CSNK1D: variants seen among roughly 807,000 people sequenced by gnomAD.
CSNK1D encodes casein kinase 1 delta.
A neutral mutation model predicts 46.6 loss-of-function variants in CSNK1D; 16 were observed. The observed-to-expected ratio is 0.34, with a 90% CI of 0.23 to 0.52. CSNK1D has a LOEUF of 0.52. Among genes scored for constraint, CSNK1D ranks in the 20% least tolerant of loss-of-function variants. The pLI is 0.95. For missense variants in CSNK1D, 398 were observed against 578.4 expected (o/e 0.69, Z 3.20); for synonymous variants, 276 against 228.2 (o/e 1.21, Z -1.89).
At chr17:82,268,970 G>A (rs1340884606) in intron 1 of CSNK1D, among the ~76,000 whole-genome samples, 1 of 151,834 alleles carries the variant, frequency 6.6e-6, no homozygotes, top group Non-Finnish European at 1.5e-5. Context: ...GCTGGTGTGC[G>A]CCTCTAACCC....
In CSNK1D at chr17:82,250,327, A is replaced by G; in HGVS notation, c.886-725T>C. ...CACCAGGCAACACACAGACCGACACACCTGCGGCTGCAGCACCGTGCGGCC... is the reference window on the plus strand; with the variant it reads ...CACCAGGCAACACACAGACCGACACGCCTGCGGCTGCAGCACCGTGCGGCC... On this transcript the variant is annotated intron_variant, in intron 6 of 8. Transcript: ENST00000314028. The surrounding 1 kb of genome is among the most constrained non-coding windows in gnomAD (Gnocchi z 4.6). 1.5e-6 allele frequency: 1 copy of G among 645,182 alleles called. No individual in the cohort carries two copies. Among genetic ancestry groups the G allele is most frequent in the South Asian group, 1.6e-5 (1 of 62,352 alleles). The allele number at this position is 645,182 out of a possible 1,614,324, so 40.0% of individuals were successfully genotyped here. A position where few individuals can be genotyped will look rare whatever the true frequency, so the allele number is the denominator to read the frequency against.
intron 2 of CSNK1D, among the ~76,000 whole-genome samples, chr17:82,262,984 A>G (rs2051378530): frequency 6.6e-6 from 1 of 152,224 alleles, no homozygotes; most frequent in Non-Finnish European, 1.5e-5. Flanking sequence ...GTTCAAAACC[A>G]GCCTGGCCAA....
In CSNK1D at chr17:82,255,521, T is replaced by C; in HGVS notation, c.244A>G (p.Met82Val). Residue 82 changes from methionine (M) to valine (V), a missense_variant, in exon 3 of 9, where the codon ATG becomes GTG. Physicochemically the swap from Met to Val is conservative, Grantham distance 21 (BLOSUM62 1). Transcript: ENST00000314028. The surrounding 1 kb of genome is among the most constrained non-coding windows in gnomAD (Gnocchi z 5.9). ...GAEGDYNVMVMELLGPSLEDL... is the reference protein window; with the variant it reads ...GAEGDYNVMVVELLGPSLEDL... ...TCCAGGCTTGGCCCCAGCAGCTCCATCACCATGACGTTGTAGTCCCCCTCT... is the reference window on the plus strand; with the variant it reads ...TCCAGGCTTGGCCCCAGCAGCTCCACCACCATGACGTTGTAGTCCCCCTCT... 1 of 1,614,136 alleles carries C rather than the reference T, an allele frequency of 6.2e-7. No individual in the cohort carries two copies. Among genetic ancestry groups the C allele is most frequent in the Non-Finnish European group, 8.5e-7 (1 of 1,180,026 alleles).
intron 2 of CSNK1D, among the ~76,000 whole-genome samples, chr17:82,264,132 A>AC (rs2051408435): frequency 1.3e-5 from 2 of 152,234 alleles, no homozygotes; most frequent in South Asian, 4.1e-4. Flanking sequence ...AATCAAATCA[A>AC]CAGTCCTCCC....
intron 2 of CSNK1D, among the ~76,000 whole-genome samples, chr17:82,257,499 C>T (rs372480810): frequency 1.6e-4 from 24 of 152,250 alleles, no homozygotes; most frequent in Non-Finnish European, 2.4e-4. Context: ...GGGCCTGATT[C>T]GCCCTCACAC....
chr17:82,273,722 C>G, upstream of CSNK1D: 1 of 482,210 alleles, frequency 2.1e-6, no homozygotes, highest in East Asian at 3.5e-5. The surrounding 1 kb of genome is among the most constrained non-coding windows in gnomAD (Gnocchi z 5.1). Context: ...CCCTAGCAAC[C>G]CGGCGGGGCG....
At chr17:82,253,278 C>T in intron 3 of CSNK1D, 34 bp from the exon 4 acceptor site, 1 of 1,558,278 alleles carries the variant, frequency 6.4e-7, no homozygotes, top group Non-Finnish European at 8.9e-7. Context: ...GATGGCACCC[C>T]AGGGCAGTCT....
rs201293847 is a variant in CSNK1D, at chr17:82,248,840, G to A, written c.1197+35C>T. 6.7e-4 allele frequency: 1,072 copies of A among 1,598,336 alleles called. No individual in the cohort carries two copies. The highest frequency in any genetic ancestry group is 8.2e-4 in the Non-Finnish European group (964 of 1,172,138). On this transcript the variant is annotated intron_variant, in intron 8 of 8. Coordinates refer to ENST00000314028, the MANE Select transcript of CSNK1D (RefSeq NM_001893.6). This position sits in a 1 kb window ranked among gnomAD's most constrained non-coding sequence, Gnocchi z 4.1. ...GCTCTTGACTCGGACGGGGTAGCCC[G>A]AGGCCCAGCGCCCGCCCGGGAGCTC...
chr17:82,268,308 T>C (rs1350386611), intron 1 of CSNK1D, among the ~76,000 whole-genome samples: 1 of 152,200 alleles, frequency 6.6e-6, no homozygotes, highest in Non-Finnish European at 1.5e-5. Context: ...TGCAGCCCTG[T>C]CCCACCTCGC....
intron 1 of CSNK1D, chr17:82,271,991 AG>A (rs1198132475): frequency 1.3e-5 from 2 of 152,246 alleles, no homozygotes; most frequent in Non-Finnish European, 2.9e-5. Flanking sequence ...CCTCAAATTC[AG>A]GGGATCTTGG....
rs763642635 is a variant in CSNK1D at position 82,250,423 on chromosome 17, ACT to A, written c.886-823_886-822del. Reference sequence around the variant, plus strand: ...CCTAGCCTGCTCTGAGGGCCGGGTGACTCTAATGCCGCAGGAGGGTCGCTCTG... The same window carrying A: ...CCTAGCCTGCTCTGAGGGCCGGGTGACTAATGCCGCAGGAGGGTCGCTCTG... On this transcript the variant is annotated intron_variant, in intron 6 of 8. Coordinates refer to ENST00000314028, the MANE Select transcript of CSNK1D (RefSeq NM_001893.6). This position sits in a 1 kb window ranked among gnomAD's most constrained non-coding sequence, Gnocchi z 4.6. The A allele has an allele frequency of 8.6e-6, 3 of 347,478 alleles. No individual in the cohort carries two copies. Among genetic ancestry groups the A allele is most frequent in the African/African-American group, 2.2e-5 (1 of 46,420 alleles). 21.5% of individuals were successfully genotyped at this position (347,478 alleles called of 1,614,324 possible). A position where few individuals can be genotyped will look rare whatever the true frequency, so the allele number is the denominator to read the frequency against.
intron 8 of CSNK1D, chr17:82,245,289 G>A (rs537635358): frequency 9.1e-5 from 27 of 297,112 alleles, no homozygotes; most frequent in African/African-American, 2.6e-4. Context: ...GCTGGAAGGA[G>A]CCGCCGAGCG....
intron 8 of CSNK1D, chr17:82,246,050 GAA>G (rs1813460146): frequency 1.9e-6 from 3 of 1,607,008 alleles, no homozygotes; most frequent in Non-Finnish European, 2.5e-6. Flanking sequence ...CTGAGGTGGG[GAA>G]AAGACAGCTG....
rs927433568 is a variant in CSNK1D at position 82,273,479 on chromosome 17, C to A, written c.-98G>T. On this transcript the variant is annotated 5_prime_UTR_variant, in exon 1 of 9. Coordinates refer to ENST00000314028, the MANE Select transcript of CSNK1D (RefSeq NM_001893.6). This position sits in a 1 kb window ranked among gnomAD's most constrained non-coding sequence, Gnocchi z 5.1. Reference sequence around the variant, plus strand: ...TGCTGCCGCTACTGCGGGTCCGGCTCCCGGCTCCGCCCCCCTCACGGCCCC... The same window carrying A: ...TGCTGCCGCTACTGCGGGTCCGGCTACCGGCTCCGCCCCCCTCACGGCCCC... The A allele has an allele frequency of 1.4e-6, 2 of 1,426,638 alleles. No homozygotes were observed. The highest frequency in any genetic ancestry group is 2.5e-5 in the East Asian group (1 of 40,532). 88.4% of individuals were successfully genotyped at this position (1,426,638 alleles called of 1,614,324 possible).
intron 8 of CSNK1D, chr17:82,245,132 G>A (rs2147150632): frequency 1.8e-6 from 1 of 567,788 alleles, no homozygotes; most frequent in East Asian, 3.0e-5. Flanking sequence ...CTCCCTTCCT[G>A]GAAAGGAACC....
At position 82,245,391 on chromosome 17, in the gene CSNK1D, G is replaced by A. The variant is rs3924256; in HGVS notation, c.1198-560C>T. The A allele has an allele frequency of 6.0e-3, 1,354 of 227,490 alleles. 14 individuals are homozygous for A. The highest frequency in any genetic ancestry group is 0.029 in the African/African-American group (1,291 of 43,934). The allele number at this position is 227,490 out of a possible 1,614,324, so 14.1% of individuals were successfully genotyped here. On this transcript the variant is annotated intron_variant, in intron 8 of 8. Transcript: ENST00000314028. ...GGCTGCGGCTGGAGGAGTTAATACAGACGAAGCTGCGTGGACAAGACGGCT... is the reference window on the plus strand; with the variant it reads ...GGCTGCGGCTGGAGGAGTTAATACAAACGAAGCTGCGTGGACAAGACGGCT...
intron 1 of CSNK1D, among the ~76,000 whole-genome samples, chr17:82,271,101 A>C (rs2051611345): frequency 6.6e-6 from 1 of 152,192 alleles, no homozygotes; most frequent in Non-Finnish European, 1.5e-5. Context: ...TTTGAGACAG[A>C]GTCTCACTCC....
chr17:82,240,564 C>G (rs1024953350), downstream of CSNK1D, among the ~76,000 whole-genome samples: 2 of 152,184 alleles, frequency 1.3e-5, no homozygotes, highest in African/African-American at 4.8e-5. Flanking sequence ...AACCCTGTTT[C>G]CAGGTATCTC....
In CSNK1D at chr17:82,244,084, G is replaced by A. The variant is rs886608185; in HGVS notation, c.*697C>T. The A allele has an allele frequency of 1.0e-6, 1 of 990,340 alleles. No homozygotes were observed. Among genetic ancestry groups the A allele is most frequent in the Non-Finnish European group, 1.2e-6 (1 of 832,720 alleles). The allele number at this position is 990,340 out of a possible 1,614,324, so 61.3% of individuals were successfully genotyped here. A position where few individuals can be genotyped will look rare whatever the true frequency, so the allele number is the denominator to read the frequency against. Reference sequence around the variant, plus strand: ...CTGACAGCAGGCATGTCAATTACGGGAGGAGGGAGGGTGAGACGCCAAAAT... The same window carrying A: ...CTGACAGCAGGCATGTCAATTACGGAAGGAGGGAGGGTGAGACGCCAAAAT... On this transcript the variant is annotated 3_prime_UTR_variant, in exon 9 of 9. Coordinates refer to ENST00000314028, the MANE Select transcript of CSNK1D (RefSeq NM_001893.6).
Sources: gnomAD v4.1 joint callset for allele counts (sites outside exome capture counted in the v4.1 genomes callset) on GRCh38, gnomAD v4.1.1 for gene constraint, Gnocchi (gnomAD v3.1) non-coding constraint, MANE v1.5 for transcripts, NCBI Gene and HGNC (gene_info 2026-07-23, HGNC 2026-07-21) for gene names.